Variants in QTMAN observed in about 807,000 individuals in gnomAD.
QTMAN encodes tRNA-queuosine alpha-mannosyltransferase.
chr2:144,144,118 T>C, the QTMAN span, among the ~76,000 whole-genome samples: 103 of 152,076 alleles, frequency 6.8e-4, no homozygotes, highest in South Asian at 4.6e-3. Context: ...TGAAAAATCA[T>C]GTACAAAACT....
the QTMAN span, among the ~76,000 whole-genome samples, chr2:144,034,233 C>G: frequency 6.6e-6 from 1 of 152,176 alleles, no homozygotes; most frequent in Non-Finnish European, 1.5e-5. Context: ...TAGGTTAGAA[C>G]AGAGTCCTGG....
the QTMAN span, among the ~76,000 whole-genome samples, chr2:144,331,905 G>A: frequency 6.6e-6 from 1 of 152,320 alleles, no homozygotes; most frequent in Non-Finnish European, 1.5e-5. Flanking sequence ...AGCCAGAAGC[G>A]AAGCTTTCCG....
the QTMAN span, chr2:143,947,280 G>A: frequency 3.1e-6 from 2 of 641,152 alleles, no homozygotes; most frequent in Non-Finnish European, 5.5e-6. Flanking sequence ...TGGTTCTTGA[G>A]TTTCATCACC....
the QTMAN span, among the ~76,000 whole-genome samples, chr2:143,978,734 A>G: frequency 1.3e-5 from 2 of 152,320 alleles, no homozygotes; most frequent in East Asian, 3.9e-4. Flanking sequence ...ACTCTATGGA[A>G]CTAAACTTTC....
chr2:144,231,844 GT>G, the QTMAN span, among the ~76,000 whole-genome samples: 1 of 5,260 alleles, frequency 1.9e-4, no homozygotes, highest in African/African-American at 6.6e-4. Flanking sequence ...AATGAAAGAG[GT>G]GTGTGTGTGT....
the QTMAN span, among the ~76,000 whole-genome samples, chr2:144,085,172 T>C: frequency 6.6e-6 from 1 of 152,208 alleles, no homozygotes; most frequent in Non-Finnish European, 1.5e-5. Flanking sequence ...AACTCTTTCT[T>C]TGTAGTGTGA....
chr2:143,982,723 T>C, the QTMAN span, among the ~76,000 whole-genome samples: 1 of 151,258 alleles, frequency 6.6e-6, no homozygotes, highest in Non-Finnish European at 1.5e-5. Context: ...TAGCTGGGCA[T>C]GGTATTATGC....
At chr2:144,296,230 A>G in the QTMAN span, among the ~76,000 whole-genome samples, 5 of 152,226 alleles carry the variant, frequency 3.3e-5, no homozygotes, top group Non-Finnish European at 5.9e-5. Context: ...GCTAAGAAAC[A>G]CTAAGGTTGA....
chr2:144,040,025 T>C, the QTMAN span, among the ~76,000 whole-genome samples: 1 of 152,214 alleles, frequency 6.6e-6, no homozygotes. Flanking sequence ...AGGGGCTATG[T>C]ATTCTCAGTT....
At chr2:144,127,072 T>C in the QTMAN span, among the ~76,000 whole-genome samples, 4 of 151,926 alleles carry the variant, frequency 2.6e-5, no homozygotes, top group Admixed American at 6.6e-5. Context: ...ATCATCTACC[T>C]ACAGTTAGAA....
chr2:144,182,924 GAA>G, the QTMAN span, among the ~76,000 whole-genome samples: 2 of 109,668 alleles, frequency 1.8e-5, no homozygotes, highest in Admixed American at 1.2e-4. Context: ...TAAAATATGA[GAA>G]AAGAGAATAT....
chr2:143,959,439 T>C, the QTMAN span, among the ~76,000 whole-genome samples: 1 of 152,114 alleles, frequency 6.6e-6, no homozygotes, highest in African/African-American at 2.4e-5. Context: ...CTGAGTAAAA[T>C]GGTACAGTTT....
chr2:144,173,031 G>C, the QTMAN span, among the ~76,000 whole-genome samples: 2 of 152,052 alleles, frequency 1.3e-5, no homozygotes, highest in Non-Finnish European at 2.9e-5. Context: ...GCTAGACACA[G>C]AATTCTAGGT....
the QTMAN span, among the ~76,000 whole-genome samples, chr2:144,122,095 C>T: frequency 2.6e-5 from 4 of 151,878 alleles, no homozygotes; most frequent in Non-Finnish European, 5.9e-5. Context: ...ACCAAAGAGC[C>T]TAGAATTAAA....
chr2:144,063,729 A>C, the QTMAN span, among the ~76,000 whole-genome samples: 1 of 152,204 alleles, frequency 6.6e-6, no homozygotes. Flanking sequence ...CTATACTTTC[A>C]AAAAATCCCT....
At chr2:144,165,080 A>G in the QTMAN span, among the ~76,000 whole-genome samples, 1 of 152,192 alleles carries the variant, frequency 6.6e-6, no homozygotes, top group African/African-American at 2.4e-5. Flanking sequence ...TAAGCAAGTT[A>G]GGGAAGGCTG....
the QTMAN span, among the ~76,000 whole-genome samples, chr2:144,289,178 C>T: frequency 6.6e-6 from 1 of 152,050 alleles, no homozygotes; most frequent in Non-Finnish European, 1.5e-5. Context: ...GGACTCCAGG[C>T]ACCTGCCACC....
chr2:144,007,226 A>T, the QTMAN span: 2 of 1,610,068 alleles, frequency 1.2e-6, no homozygotes, highest in East Asian at 4.5e-5. Context: ...GCTGATTATC[A>T]ACTCCACCCA....
the QTMAN span, among the ~76,000 whole-genome samples, chr2:144,209,231 C>T: frequency 6.6e-6 from 1 of 152,230 alleles, no homozygotes; most frequent in Non-Finnish European, 1.5e-5. Context: ...ACGACTTTCA[C>T]TTCAAGAGTC....
Sources: gnomAD v4.1 joint callset for allele counts (sites outside exome capture counted in the v4.1 genomes callset) on GRCh38, gnomAD v4.1.1 for gene constraint, MANE v1.5 for transcripts, NCBI Gene and HGNC (gene_info 2026-07-23, HGNC 2026-07-21) for gene names.